WDR64: variants seen among roughly 807,000 people sequenced by gnomAD.
WDR64 encodes WD repeat-containing protein 64.
A neutral mutation model predicts 139.3 loss-of-function variants in WDR64; 112 were observed. That is an observed-to-expected ratio of 0.80 (90% CI 0.69 to 0.94). The LOEUF (loss-of-function observed/expected upper bound fraction) is 0.94. WDR64 is among the 40% of genes least tolerant of loss of function. WDR64 has a pLI of 0.00. For synonymous variants in WDR64, 444 were observed against 437.7 expected (o/e 1.01, Z -0.18); for missense variants, 1,206 against 1,293.1 (o/e 0.93, Z 1.03).
intron 2 of WDR64, among the ~76,000 whole-genome samples, chr1:241,664,626 T>C (rs940791743): frequency 1.3e-5 from 2 of 152,200 alleles, no homozygotes; most frequent in African/African-American, 4.8e-5. Flanking sequence ...CAAGCCTCAT[T>C]GTCTCTGACA....
At chr1:241,732,838 C>CA (rs368638279) in intron 10 of WDR64, among the ~76,000 whole-genome samples, 1 of 150,936 alleles carries the variant, frequency 6.6e-6, no homozygotes, top group Admixed American at 6.6e-5. Context: ...ACCAAAAAAA[C>CA]AAAAAAACAA....
At position 241,779,553 on chromosome 1, in the gene WDR64, T is replaced by C. The variant is rs939755166; in HGVS notation, c.2537-451T>C. ...CATAAAAATGAATATGGGCCAGGTG[T>C]GGAGGCCCATGCCTGTAATCCCAGC... On this transcript the variant is annotated intron_variant, in intron 21 of 27. Transcript: ENST00000437684. Among the ~76,000 whole-genome samples, 7 of 152,144 alleles carry C rather than the reference T, an allele frequency of 4.6e-5. No individual in the cohort carries two copies. In the East Asian group the frequency reaches 1.3e-3, roughly 29 times the overall value.
intron 8 of WDR64, among the ~76,000 whole-genome samples, chr1:241,709,563 A>G (rs556323054): frequency 6.6e-6 from 1 of 152,272 alleles, no homozygotes; most frequent in South Asian, 2.1e-4. Context: ...GCAGTGAGCT[A>G]TGGTCATGCC....
chr1:241,790,848 C>A, intron 25 of WDR64, 152 bp downstream of exon 25: 1 of 678,760 alleles, frequency 1.5e-6, no homozygotes, highest in South Asian at 2.1e-5. Flanking sequence ...TTAAACAATA[C>A]AAATTAATTA....
intron 25 of WDR64, among the ~76,000 whole-genome samples, chr1:241,791,029 T>C (rs971340979): frequency 4.6e-5 from 7 of 152,112 alleles, no homozygotes; most frequent in African/African-American, 1.7e-4. Context: ...CTTACCTCTG[T>C]AATCTCAGAA....
At chr1:241,733,497 A>T (rs1669173929) in intron 10 of WDR64, among the ~76,000 whole-genome samples, 1 of 152,028 alleles carries the variant, frequency 6.6e-6, no homozygotes, top group Non-Finnish European at 1.5e-5. Flanking sequence ...AAGAAAAGAG[A>T]AGAGAAGAGA....
In WDR64 at chr1:241,660,633, C is replaced by T. The variant is rs752686309; in HGVS notation, c.249C>T (p.Asn83=). 6.4e-7 allele frequency: 1 copy of T among 1,551,540 alleles called. No individual in the cohort carries two copies. Among genetic ancestry groups the T allele is most frequent in the African/African-American group, 1.4e-5 (1 of 73,156 alleles). The change falls in exon 2 of 28, where the codon AAC becomes AAT. Residue 83 remains asparagine, a synonymous_variant. Transcript: ENST00000437684. ...VKRFYRKLCN[N]TDASADWCEI... ...GCTTTTACAGGAAACTGTGCAACAA[C>T]ACGGATGCATCTGCAGACTGGTGTG... is the stretch of plus-strand genomic sequence containing the variant.
chr1:241,692,333 G>C (rs549810410), intron 8 of WDR64, among the ~76,000 whole-genome samples: 55 of 152,288 alleles, frequency 3.6e-4, no homozygotes, highest in Middle Eastern at 3.4e-3. Context: ...AAAAGGTCTT[G>C]AGTATTCATC....
chr1:241,766,462 G>A, intron 16 of WDR64, 111 bp downstream of exon 16: 1 of 1,234,754 alleles, frequency 8.1e-7, no homozygotes, highest in South Asian at 1.7e-5. Context: ...TGTAAACCCA[G>A]AACTTTGGGA....
intron 8 of WDR64, among the ~76,000 whole-genome samples, chr1:241,691,648 G>T (rs1262824236): frequency 6.6e-6 from 1 of 152,212 alleles, no homozygotes; most frequent in East Asian, 1.9e-4. Context: ...TAGCATGTTT[G>T]CACAATACAA....
At chr1:241,724,173 C>T (rs1334401018) in intron 10 of WDR64, among the ~76,000 whole-genome samples, 1 of 151,998 alleles carries the variant, frequency 6.6e-6, no homozygotes, top group African/African-American at 2.4e-5. Flanking sequence ...TACTATGTTC[C>T]TACATGGAAA....
intron 23 of WDR64, among the ~76,000 whole-genome samples, chr1:241,787,356 T>C (rs1446040398): frequency 7.5e-5 from 6 of 80,494 alleles, no homozygotes; most frequent in Admixed American, 1.6e-4. Context: ...AGAGCGAGAC[T>C]CCTCAAAAAA....
At chr1:241,687,304 TAA>T (rs11433746) in intron 7 of WDR64, among the ~76,000 whole-genome samples, 155 bp from the exon 8 acceptor site, 8,634 of 126,360 alleles carry the variant, frequency 0.068, 350 homozygotes, top group South Asian at 0.14. Context: ...AGACTCCATC[TAA>T]AAAAAAAAAA....
chr1:241,759,326 T>C (rs1670335725), intron 15 of WDR64, among the ~76,000 whole-genome samples: 1 of 152,186 alleles, frequency 6.6e-6, no homozygotes, highest in Non-Finnish European at 1.5e-5. Flanking sequence ...CAACTCTATA[T>C]ACAGTTAAGT....
intron 9 of WDR64, among the ~76,000 whole-genome samples, chr1:241,719,921 C>T (rs561506524): frequency 3.9e-4 from 60 of 152,052 alleles, no homozygotes; most frequent in Non-Finnish European, 5.3e-4. Flanking sequence ...GATATTAAGT[C>T]CAGCATCCAT....
chr1:241,695,507 C>A (rs980801974), intron 8 of WDR64, among the ~76,000 whole-genome samples: 3 of 152,034 alleles, frequency 2.0e-5, no homozygotes, highest in Non-Finnish European at 2.9e-5. Flanking sequence ...ATTATCAATG[C>A]AAAGCACGAT....
intron 27 of WDR64, among the ~76,000 whole-genome samples, chr1:241,799,897 A>AT (rs1187847636): frequency 1.3e-5 from 2 of 151,890 alleles, no homozygotes; most frequent in Non-Finnish European, 2.9e-5. Flanking sequence ...ATAAAAATCC[A>AT]TTTTTTCCAA....
chr1:241,773,582 C>T lies in WDR64; in HGVS notation c.2430+651C>T, dbSNP rs1260038716. ...CCCCTCGGTTCAAGCGATTCTTCTG[C>T]CTCGGCCTTCGAGTAGCTGAGGCTA... On this transcript the variant is annotated intron_variant, in intron 20 of 27. Transcript: ENST00000437684. 3.3e-5 allele frequency among the ~76,000 whole-genome samples: 5 copies of T among 152,166 alleles called. No individual in the cohort carries two copies. The East Asian group carries it at 7.7e-4, about 23-fold the overall frequency.
chr1:241,773,766 G>A (rs556799293), intron 20 of WDR64, among the ~76,000 whole-genome samples: 16 of 152,234 alleles, frequency 1.1e-4, no homozygotes, highest in Admixed American at 5.2e-4. Flanking sequence ...GTGCCCGACC[G>A]AGGGCATTAG....
Sources: allele counts gnomAD v4.1 joint callset (sites outside exome capture counted in the v4.1 genomes callset), GRCh38; gene constraint gnomAD v4.1.1; transcripts MANE v1.5; gene names NCBI Gene and HGNC (gene_info 2026-07-23, HGNC 2026-07-21).